The following OSTC variants were observed in gnomAD, a reference collection of about 807,000 sequenced individuals.
The protein encoded by OSTC is oligosaccharyltransferase complex subunit OSTC.
In OSTC, 16 loss-of-function variants were observed where a neutral mutation model predicts 16.4. That is an observed-to-expected ratio of 0.98 (90% CI 0.66 to 1.49). The LOEUF (loss-of-function observed/expected upper bound fraction) is 1.49. OSTC is among the 40% of genes most tolerant of loss of function. The pLI is 0.00. For synonymous variants in OSTC, 67 were observed against 68.5 expected (o/e 0.98, Z 0.11); for missense variants, 139 against 186.3 (o/e 0.75, Z 1.48).
rs1726501058 is a variant in OSTC, at chr4:108,650,632, A to G, written c.-24A>G. On this transcript the variant is annotated 5_prime_UTR_variant, in exon 1 of 4. Transcript: ENST00000361564. The stretch of plus-strand genomic sequence containing the variant: ...GGGAGGCGCGTGGGGCTTGAGGCCG[A>G]GAACGGCCCTTGCTGCCACCAACAT... The G allele has an allele frequency of 1.9e-6, 3 of 1,612,228 alleles. No individual in the cohort carries two copies. Among genetic ancestry groups the G allele is most frequent in the African/African-American group, 1.3e-5 (1 of 74,858 alleles).
At chr4:108,653,181 C>T (rs1248837500) in intron 1 of OSTC, among the ~76,000 whole-genome samples, 2 of 152,036 alleles carry the variant, frequency 1.3e-5, no homozygotes, top group Non-Finnish European at 2.9e-5. Context: ...GCTGTGATGG[C>T]ACCACTGCAC....
At chr4:108,665,174 G>T (rs553499305) in intron 3 of OSTC, among the ~76,000 whole-genome samples, 5 of 152,322 alleles carry the variant, frequency 3.3e-5, no homozygotes, top group African/African-American at 1.2e-4. Context: ...GGAGACCTCA[G>T]TATTGTCAAG....
intron 3 of OSTC, among the ~76,000 whole-genome samples, chr4:108,664,582 C>G (rs1278683480): frequency 6.6e-6 from 1 of 151,202 alleles, no homozygotes; most frequent in Non-Finnish European, 1.5e-5. Context: ...TCCAAAGAAC[C>G]TTTTAATTTT....
At chr4:108,660,604 A>G (rs1726832368) in intron 3 of OSTC, among the ~76,000 whole-genome samples, 1 of 152,230 alleles carries the variant, frequency 6.6e-6, no homozygotes, top group Admixed American at 6.5e-5. Context: ...TAACCACAAC[A>G]ATAAAAAAGA....
chr4:108,658,027 G>A (rs1726758573), intron 3 of OSTC, among the ~76,000 whole-genome samples: 1 of 142,762 alleles, frequency 7.0e-6, no homozygotes, highest in African/African-American at 2.6e-5. Context: ...TGCCTCCCGG[G>A]CTCAAGTGAT....
chr4:108,650,872 C>T, intron 1 of OSTC, 78 bp downstream of exon 1: 6 of 1,594,884 alleles, frequency 3.8e-6, no homozygotes, highest in South Asian at 3.3e-5. Flanking sequence ...GTTCCGCTGA[C>T]TCTCAGCCCC....
intron 1 of OSTC, among the ~76,000 whole-genome samples, chr4:108,651,792 A>G (rs1444661182): frequency 6.6e-6 from 1 of 152,222 alleles, no homozygotes; most frequent in East Asian, 1.9e-4. Flanking sequence ...GAGTGGCCAT[A>G]TAATTGTTAT....
Position 108,652,222 on chromosome 4 carries a change from A to G in OSTC, c.139+1428A>G, listed in dbSNP as rs369808725. 1.2e-4 allele frequency: 18 copies of G among 152,312 alleles called. 1 individual carries two copies. Among genetic ancestry groups the G allele is most frequent in the African/African-American group, 4.1e-4 (17 of 41,570 alleles). The allele number at this position is 152,312 out of a possible 1,614,324, so 9.4% of individuals were successfully genotyped here. ...AGATTACCATGGCCCCTGTGCAAGA[A>G]TGACTCGCAAATTCGTGAAGCGTTC... On this transcript the variant is annotated intron_variant, in intron 1 of 3. Transcript: ENST00000361564.
intron 3 of OSTC, among the ~76,000 whole-genome samples, chr4:108,658,005 C>T (rs1254820337): frequency 7.6e-6 from 1 of 132,446 alleles, no homozygotes; most frequent in African/African-American, 2.8e-5. Context: ...AATCTTGGCT[C>T]ACTGCAACCT....
At chr4:108,660,192 C>G (rs1039243210) in intron 3 of OSTC, among the ~76,000 whole-genome samples, 4 of 152,152 alleles carry the variant, frequency 2.6e-5, no homozygotes, top group South Asian at 2.1e-4. Flanking sequence ...GGTATACTTT[C>G]TGGGTTTCGG....
intron 3 of OSTC, among the ~76,000 whole-genome samples, chr4:108,665,114 AAGGG>A (rs1338790723): frequency 1.3e-5 from 2 of 152,170 alleles, no homozygotes; most frequent in African/African-American, 4.8e-5. Flanking sequence ...CAGAAGCTGA[AAGGG>A]AGGGAAGTCA....
chr4:108,660,749 C>T (rs1454251237), intron 3 of OSTC, among the ~76,000 whole-genome samples: 2 of 152,148 alleles, frequency 1.3e-5, no homozygotes. Context: ...AAGATGTTAC[C>T]TTTAGCAAGA....
intron 3 of OSTC, among the ~76,000 whole-genome samples, chr4:108,658,021 T>C (rs1195050454): frequency 3.0e-5 from 4 of 132,888 alleles, no homozygotes; most frequent in Non-Finnish European, 4.6e-5. Context: ...AACCTCTGCC[T>C]CCCGGGCTCA....
chr4:108,652,112 AAAAT>A (rs1338564981), intron 1 of OSTC: 1 of 152,206 alleles, frequency 6.6e-6, no homozygotes. Context: ...TAGACTTTTA[AAAAT>A]AAATAATATA....
Position 108,657,834 on chromosome 4 carries a change from T to G in OSTC, c.431+187T>G, listed in dbSNP as rs1726749350. Among the ~76,000 whole-genome samples, 2 of 152,082 alleles carry G rather than the reference T, an allele frequency of 1.3e-5. 1 individual carries two copies. Among genetic ancestry groups the G allele is most frequent in the South Asian group, 4.1e-4 (2 of 4,828 alleles). On this transcript the variant is annotated intron_variant, in intron 3 of 3. Transcript: ENST00000361564. ...TAAAAATTGAAACTAATAGATCTTC[T>G]TAGTTGTTATCCCCATGAATGTTCA...
In OSTC at chr4:108,655,563, G is replaced by A; in HGVS notation, c.140-1G>A. 6.4e-7 allele frequency: 1 copy of A among 1,564,388 alleles called. No individual in the cohort carries two copies. Among genetic ancestry groups the A allele is most frequent in the Non-Finnish European group, 8.8e-7 (1 of 1,137,422 alleles). ...AATCTGTTCTGTTGTCTTTCTTATA[G>A]GAATAATTTATGATGTTATTGTTGA... On this transcript the variant is annotated splice_acceptor_variant, in intron 1 of 3. Transcript: ENST00000361564. LOFTEE classifies it high-confidence loss of function.
At chr4:108,657,740 C>A in intron 3 of OSTC, 93 bp downstream of exon 3, 1 of 1,147,918 alleles carries the variant, frequency 8.7e-7, no homozygotes, top group Non-Finnish European at 1.2e-6. Flanking sequence ...ATTTAACTTT[C>A]ATTTACATGG....
At chr4:108,655,466 C>CAAAAA (rs55703323) in intron 1 of OSTC, 98 bp from the exon 2 acceptor site, 398,537 of 635,952 alleles carry the variant, frequency 0.63, 102,693 homozygotes, top group African/African-American at 0.79. Flanking sequence ...GACTCTGTCT[C>CAAAAA]AAAAAAAGTA....
rs754628858 is a variant in OSTC at position 108,655,519 on chromosome 4, A to G, written c.140-45A>G. 11 of 1,255,478 alleles carry G rather than the reference A, an allele frequency of 8.8e-6. No homozygotes were observed. The African/African-American group carries it at 9.2e-5, about 10-fold the overall frequency. 77.8% of individuals were successfully genotyped at this position (1,255,478 alleles called of 1,614,324 possible). On this transcript the variant is annotated intron_variant, in intron 1 of 3. Coordinates refer to ENST00000361564, the MANE Select transcript of OSTC (RefSeq NM_021227.4). ...AATGAAAACTATAATCCTGTTTTCA[A>G]AAATTAGTAATACAATCTAATCTGT...
Sources: allele counts gnomAD v4.1 joint callset (sites outside exome capture counted in the v4.1 genomes callset), GRCh38; gene constraint gnomAD v4.1.1; transcripts MANE v1.5; gene names NCBI Gene and HGNC (gene_info 2026-07-23, HGNC 2026-07-21).